The following PAX7 variants were observed in gnomAD, a reference collection of about 807,000 sequenced individuals.
PAX7 encodes the protein paired box protein Pax-7.
Under a neutral mutation model 50.7 loss-of-function variants are expected in PAX7, and 18 were observed. The ratio of observed to expected loss-of-function variants is 0.36; its 90% CI spans 0.25 to 0.53. The LOEUF is 0.53. Among genes scored for constraint, PAX7 ranks in the 20% least tolerant of loss-of-function variants. PAX7 has a pLI of 0.93. For missense variants in PAX7, 644 were observed against 702.9 expected (o/e 0.92, Z 0.95); for synonymous variants, 310 against 290.4 (o/e 1.07, Z -0.69).
chr1:18,734,223 G>T (rs1188301540), intron 7 of PAX7, among the ~76,000 whole-genome samples: 1 of 152,152 alleles, frequency 6.6e-6, no homozygotes, highest in East Asian at 1.9e-4. Context: ...GAACTCAACT[G>T]TGTGCCCAGC....
intron 8 of PAX7, among the ~76,000 whole-genome samples, chr1:18,742,035 T>A (rs560095172): frequency 6.6e-6 from 1 of 152,188 alleles, no homozygotes; most frequent in African/African-American, 2.4e-5. Flanking sequence ...GTTGTAAGAA[T>A]TAAATGGAAA....
chr1:18,693,700 G>A (rs994326996), intron 5 of PAX7, among the ~76,000 whole-genome samples: 1 of 152,216 alleles, frequency 6.6e-6, no homozygotes, highest in East Asian at 1.9e-4. Flanking sequence ...CCTGACCGAG[G>A]TGATATCCGA....
At chr1:18,733,046 C>T (rs1475623867) in intron 7 of PAX7, among the ~76,000 whole-genome samples, 6 of 152,018 alleles carry the variant, frequency 3.9e-5, no homozygotes, top group Non-Finnish European at 5.9e-5. Flanking sequence ...GAGCAGGGTC[C>T]GTGTTTGTGT....
intron 4 of PAX7, among the ~76,000 whole-genome samples, chr1:18,662,962 C>T (rs371989325): frequency 6.6e-6 from 1 of 151,878 alleles, no homozygotes; most frequent in Non-Finnish European, 1.5e-5. Context: ...AGTAAAAAAG[C>T]TTGTCAGCCT....
chr1:18,712,342 C>T (rs923728537), intron 7 of PAX7, among the ~76,000 whole-genome samples: 2 of 152,234 alleles, frequency 1.3e-5, no homozygotes, highest in African/African-American at 4.8e-5. Context: ...CAAACAAAAC[C>T]ACCTGCTCAA....
intron 7 of PAX7, among the ~76,000 whole-genome samples, chr1:18,705,912 T>A (rs2089277460): frequency 6.6e-6 from 1 of 152,018 alleles, no homozygotes. Context: ...TGAAGACAGA[T>A]GGAGGGTCTG....
At chr1:18,633,194 A>C (rs2841094) in intron 1 of PAX7, among the ~76,000 whole-genome samples, 21,567 of 152,126 alleles carry the variant, frequency 0.14, 1,941 homozygotes, top group African/African-American at 0.25. Context: ...GGAACGGCCC[A>C]GCAGCGGAGC....
At position 18,700,223 on chromosome 1, in the gene PAX7, G is replaced by T. The variant is rs530774900; in HGVS notation, c.787-430G>T. On this transcript the variant is annotated intron_variant, in intron 5 of 8. Coordinates refer to ENST00000420770, the MANE Select transcript of PAX7 (RefSeq NM_001135254.2). The surrounding 1 kb of genome is among the most constrained non-coding windows in gnomAD (Gnocchi z 4.8). ...GGTCTGAAGTGCAGGTCTCATTCAG[G>T]TGGGTTGCAGATGCGTGGCTTCCTC... Among the ~76,000 whole-genome samples, 17 of 152,112 alleles carry T rather than the reference G, an allele frequency of 1.1e-4. No homozygotes were observed. Among genetic ancestry groups the T allele is most frequent in the African/African-American group, 3.6e-4 (15 of 41,498 alleles).
intron 4 of PAX7, among the ~76,000 whole-genome samples, chr1:18,639,649 A>G (rs949883978): frequency 1.3e-5 from 2 of 152,208 alleles, no homozygotes; most frequent in Non-Finnish European, 2.9e-5. Flanking sequence ...AAAGATTTTC[A>G]TAGAATCTGA....
chr1:18,634,056 A>G lies in PAX7; in HGVS notation c.86-247A>G, dbSNP rs529149508. Among the ~76,000 whole-genome samples the G allele has an allele frequency of 6.6e-6, 1 of 152,290 alleles. No individual in the cohort carries two copies. Among genetic ancestry groups the G allele is most frequent in the South Asian group, 2.1e-4 (1 of 4,828 alleles). On this transcript the variant is annotated intron_variant, in intron 1 of 8. Coordinates refer to ENST00000420770, the MANE Select transcript of PAX7 (RefSeq NM_001135254.2). The surrounding 1 kb of genome is among the most constrained non-coding windows in gnomAD (Gnocchi z 4.0). The stretch of plus-strand genomic sequence containing the variant: ...CGTAGTGTGGCAGGAGTTGGGGGAC[A>G]CAGCATCTGGGGAGACTCTTGCAGC...
intron 4 of PAX7, among the ~76,000 whole-genome samples, chr1:18,650,028 G>A (rs1467798704): frequency 6.6e-6 from 1 of 152,218 alleles, no homozygotes; most frequent in African/African-American, 2.4e-5. Context: ...TGGAGGGGAA[G>A]CAGTGAAAAA....
intron 7 of PAX7, among the ~76,000 whole-genome samples, chr1:18,716,374 C>A (rs977142730): frequency 6.6e-6 from 1 of 152,134 alleles, no homozygotes; most frequent in Non-Finnish European, 1.5e-5. Flanking sequence ...GCCTCCCCCA[C>A]CCCTCAGCCC....
intron 4 of PAX7, among the ~76,000 whole-genome samples, chr1:18,642,487 G>A (rs2088271250): frequency 6.6e-6 from 1 of 152,140 alleles, no homozygotes; most frequent in African/African-American, 2.4e-5. Context: ...TAAGGGGGGA[G>A]GACACATTCC....
chr1:18,709,034 G>T (rs1449389700), intron 7 of PAX7, among the ~76,000 whole-genome samples: 1 of 152,204 alleles, frequency 6.6e-6, no homozygotes, highest in African/African-American at 2.4e-5. Flanking sequence ...CCTTGTGCTG[G>T]AGGCTTCCTC....
chr1:18,635,479 T>C (rs184415123), intron 3 of PAX7, among the ~76,000 whole-genome samples: 1 of 87,062 alleles, frequency 1.1e-5, no homozygotes, highest in East Asian at 2.6e-4. Flanking sequence ...GAGAGAGAAA[T>C]AAGAAAGGGA....
chr1:18,683,904 G>A (rs1432990021), intron 4 of PAX7, among the ~76,000 whole-genome samples: 1 of 152,150 alleles, frequency 6.6e-6, no homozygotes, highest in East Asian at 1.9e-4. Context: ...GGGTGCTGGG[G>A]ACAGATGACA....
intron 7 of PAX7, among the ~76,000 whole-genome samples, chr1:18,709,464 C>T (rs2089323700): frequency 6.6e-6 from 1 of 152,230 alleles, no homozygotes; most frequent in Admixed American, 6.5e-5. Context: ...CACGGCCAAC[C>T]AGCCTTTCTG....
rs561320959 is a variant in PAX7, at chr1:18,655,538, G to A, written c.586+19167G>A. ...CTCCACAGTCCCCAGTGTCTGGCAC[G>A]GGGCCTCGCTCCCATTGAGGGGAGC... On this transcript the variant is annotated intron_variant, in intron 4 of 8. Coordinates refer to ENST00000420770, the MANE Select transcript of PAX7 (RefSeq NM_001135254.2). Among the ~76,000 whole-genome samples the A allele has an allele frequency of 9.2e-5, 14 of 152,306 alleles. No individual in the cohort carries two copies. The South Asian group carries it at 2.3e-3, about 25-fold the overall frequency.
intron 7 of PAX7, among the ~76,000 whole-genome samples, chr1:18,729,050 A>C (rs1218858142): frequency 6.6e-6 from 1 of 152,218 alleles, no homozygotes; most frequent in Non-Finnish European, 1.5e-5. Context: ...CCAGACCCTT[A>C]GGAACCAAGG....
Sources: gnomAD v4.1 joint callset for allele counts (sites outside exome capture counted in the v4.1 genomes callset) on GRCh38, gnomAD v4.1.1 for gene constraint, Gnocchi (gnomAD v3.1) non-coding constraint, MANE v1.5 for transcripts, NCBI Gene and HGNC (gene_info 2026-07-23, HGNC 2026-07-21) for gene names.